HECTD4: variants seen among roughly 807,000 people sequenced by gnomAD.
HECTD4 encodes probable E3 ubiquitin-protein ligase HECTD4.
Under a neutral mutation model 471.5 loss-of-function variants are expected in HECTD4, and 114 were observed. That is an observed-to-expected ratio of 0.24 (90% CI 0.21 to 0.28). The LOEUF is 0.28. Among genes scored for constraint, HECTD4 ranks in the 10% least tolerant of loss-of-function variants. HECTD4 has a pLI of 1.00. For synonymous variants in HECTD4, 2,012 were observed against 2,256.0 expected (o/e 0.89, Z 3.07); for missense variants, 3,866 against 5,651.5 (o/e 0.68, Z 10.13).
chr12:112,309,158 G>C (rs2035326849), intron 5 of HECTD4, among the ~76,000 whole-genome samples: 1 of 152,266 alleles, frequency 6.6e-6, no homozygotes, highest in South Asian at 2.1e-4. Context: ...AGTTTCTTTT[G>C]GCAGCAGTTT....
At chr12:112,278,503 C>T (rs1356336367) in intron 9 of HECTD4, among the ~76,000 whole-genome samples, 1 of 152,194 alleles carries the variant, frequency 6.6e-6, no homozygotes, top group Non-Finnish European at 1.5e-5. Flanking sequence ...AAAATACTAA[C>T]ACATTTTTAC....
At chr12:112,312,605 T>C (rs1011438770) in intron 4 of HECTD4, among the ~76,000 whole-genome samples, 1 of 152,238 alleles carries the variant, frequency 6.6e-6, no homozygotes. Context: ...TCTTCATTTT[T>C]TGCTTTTAGG....
intron 7 of HECTD4, chr12:112,302,038 G>A: frequency 8.2e-7 from 1 of 1,222,580 alleles, no homozygotes; most frequent in Non-Finnish European, 1.2e-6. Context: ...AAGCGCCTTT[G>A]TCTTCCAAGT....
rs2137029062 is a variant in HECTD4, at chr12:112,185,348, G to T, written c.9618C>A (p.Asn3206Lys). 1.2e-6 allele frequency: 2 copies of T among 1,602,210 alleles called. No homozygotes were observed. Among genetic ancestry groups the T allele is most frequent in the East Asian group, 4.5e-5 (2 of 44,450 alleles). Residue 3206 changes from asparagine (N) to lysine (K), a missense_variant, in exon 61 of 76, where the codon AAC becomes AAA. Asn to Lys is a moderately conservative substitution (Grantham distance 94). Coordinates refer to ENST00000682272, the MANE Select transcript of HECTD4 (RefSeq NM_001388303.1). ...AGGCCATCAGCATGGCCAGGCAGGGGTTCAGCTGGAGGGCGATTGAGGAGG... is the reference window on the plus strand; with the variant it reads ...AGGCCATCAGCATGGCCAGGCAGGGTTTCAGCTGGAGGGCGATTGAGGAGG... ...GLSSSIALQL[N>K]PCLAMLMALQ...
At chr12:112,363,119 G>A (rs1042768006) in intron 1 of HECTD4, among the ~76,000 whole-genome samples, 29 of 151,802 alleles carry the variant, frequency 1.9e-4, no homozygotes, top group African/African-American at 6.3e-4. Context: ...GTTTTATTAC[G>A]CTAATCAGTA....
intron 48 of HECTD4, 72 bp from the exon 49 acceptor site, chr12:112,212,722 G>A: frequency 7.7e-7 from 1 of 1,296,112 alleles, no homozygotes; most frequent in Non-Finnish European, 1.1e-6. Context: ...TGCAACCGGA[G>A]TGTCACCCTA....
In HECTD4 at chr12:112,179,402, T is replaced by G; in HGVS notation, c.10988-5A>C. 1.2e-6 allele frequency: 2 copies of G among 1,606,590 alleles called. No individual in the cohort carries two copies. The highest frequency in any genetic ancestry group is 8.5e-7 in the Non-Finnish European group (1 of 1,176,266). On this transcript the variant is annotated splice_polypyrimidine_tract_variant and splice_region_variant and intron_variant, in intron 62 of 75. Transcript: ENST00000682272. The surrounding 1 kb of genome is among the most constrained non-coding windows in gnomAD (Gnocchi z 4.3). The stretch of plus-strand genomic sequence containing the variant: ...CTCCGGGCACCAGCTTCTCCCCTGT[T>G]GGATGGAGAGGGGGCAAAACAATTC...
intron 1 of HECTD4, among the ~76,000 whole-genome samples, chr12:112,329,877 G>C (rs917534674): frequency 1.3e-5 from 2 of 152,182 alleles, no homozygotes; most frequent in Non-Finnish European, 2.9e-5. Flanking sequence ...GAAGGCCTAA[G>C]AGGTAGGATC....
intron 14 of HECTD4, among the ~76,000 whole-genome samples, chr12:112,266,449 T>C (rs2034273809): frequency 6.6e-6 from 1 of 152,230 alleles, no homozygotes; most frequent in African/African-American, 2.4e-5. Flanking sequence ...TTGCTTTCAA[T>C]CTGGTTGAAG....
rs2031585963 is a variant in HECTD4, at chr12:112,179,522, C to G, written c.10988-125G>C. On this transcript the variant is annotated intron_variant, in intron 62 of 75. Coordinates refer to ENST00000682272, the MANE Select transcript of HECTD4 (RefSeq NM_001388303.1). The surrounding 1 kb of genome is among the most constrained non-coding windows in gnomAD (Gnocchi z 4.3). ...GGATGGACATTAGTGGAAGGAAGAG[C>G]TGCCCACCAAAGCCTGGCTCCCTCC... is the stretch of plus-strand genomic sequence containing the variant. 1 of 873,462 alleles carries G rather than the reference C, an allele frequency of 1.1e-6. No individual in the cohort carries two copies. The highest frequency in any genetic ancestry group is 1.8e-6 in the Non-Finnish European group (1 of 558,292). The allele number at this position is 873,462 out of a possible 1,614,324, so 54.1% of individuals were successfully genotyped here. A position where few individuals can be genotyped will look rare whatever the true frequency, so the allele number is the denominator to read the frequency against.
intron 37 of HECTD4, among the ~76,000 whole-genome samples, chr12:112,233,851 T>C (rs1366361815): frequency 6.6e-6 from 1 of 152,176 alleles, no homozygotes; most frequent in African/African-American, 2.4e-5. Flanking sequence ...GTTTGTTTTT[T>C]TCAAACAAAA....
intron 14 of HECTD4, 134 bp downstream of exon 14, chr12:112,266,777 TG>T: frequency 1.5e-6 from 1 of 658,102 alleles, no homozygotes; most frequent in Non-Finnish European, 2.7e-6. Flanking sequence ...CCACCGTGCC[TG>T]GCCTGCAGAT....
chr12:112,206,195 G>C (rs767729737), intron 52 of HECTD4, among the ~76,000 whole-genome samples: 1 of 152,124 alleles, frequency 6.6e-6, no homozygotes, highest in African/African-American at 2.4e-5. Flanking sequence ...AGGACGTTGT[G>C]GGTGAAAGGG....
At position 112,228,907 on chromosome 12, in the gene HECTD4, T is replaced by C. The variant is rs1472841783; in HGVS notation, c.6520-96A>G. 8 of 1,206,662 alleles carry C rather than the reference T, an allele frequency of 6.6e-6. No individual in the cohort carries two copies. Among genetic ancestry groups the C allele is most frequent in the Non-Finnish European group, 8.4e-6 (7 of 834,298 alleles). 74.7% of individuals were successfully genotyped at this position (1,206,662 alleles called of 1,614,324 possible). On this transcript the variant is annotated intron_variant, in intron 41 of 75. Transcript: ENST00000682272. The surrounding 1 kb of genome is among the most constrained non-coding windows in gnomAD (Gnocchi z 4.9). ...GAAAAAGTAAATTTATAGTTGTCAT[T>C]GTTGGCGTTACAGTAATAGTTTATA...
chr12:112,222,370 T>C (rs939168490), intron 44 of HECTD4, among the ~76,000 whole-genome samples: 1 of 152,172 alleles, frequency 6.6e-6, no homozygotes, highest in African/African-American at 2.4e-5. Context: ...ATTTTTCTAA[T>C]AATTAAAAAA....
At chr12:112,183,750 C>G (rs925730797) in intron 61 of HECTD4, among the ~76,000 whole-genome samples, 1 of 152,192 alleles carries the variant, frequency 6.6e-6, no homozygotes, top group Admixed American at 6.5e-5. Flanking sequence ...TACATGGGAT[C>G]CTGAAGTGGA....
At chr12:112,347,134 A>G (rs2036167562) in intron 1 of HECTD4, among the ~76,000 whole-genome samples, 1 of 151,910 alleles carries the variant, frequency 6.6e-6, no homozygotes. Flanking sequence ...ATATATTTAT[A>G]TATTTCAGGA....
Position 112,381,962 on chromosome 12 carries a change from G to C in HECTD4, c.167C>G (p.Thr56Ser), listed in dbSNP as rs2036904259. Residue 56 changes from threonine (T) to serine (S), a missense_variant, in exon 1 of 76, where the codon ACC (threonine) becomes AGC (serine). By Grantham distance (58) the Thr-to-Ser change is moderately conservative. Transcript: ENST00000682272. This position sits in a 1 kb window ranked among gnomAD's most constrained non-coding sequence, Gnocchi z 4.1. ...EILGAPEAAD[T>S]DLEILTFETK... ...GGCCGCCTCGCTCACCTCCAGGTCG[G>C]TGTCCGCGGCCTCTGGGGCCCCGAG... is the stretch of plus-strand genomic sequence containing the variant. 1.6e-6 allele frequency: 2 copies of C among 1,224,356 alleles called. No homozygotes were observed. The highest frequency in any genetic ancestry group is 2.0e-6 in the Non-Finnish European group (2 of 983,134). 75.8% of individuals were successfully genotyped at this position (1,224,356 alleles called of 1,614,324 possible).
At position 112,243,727 on chromosome 12, in the gene HECTD4, A is replaced by G. The variant is rs757370977; in HGVS notation, c.4684T>C (p.Phe1562Leu). The G allele has an allele frequency of 6.2e-7, 1 of 1,613,924 alleles. No homozygotes were observed. The highest frequency in any genetic ancestry group is 8.5e-7 in the Non-Finnish European group (1 of 1,179,812). Residue 1562 changes from phenylalanine to leucine, a missense_variant, in exon 31 of 76, where the codon TTT becomes CTT. Around this residue, in one of 16 missense-constraint regions of HECTD4, gnomAD observed 229 missense variants for 386.4 expected, o/e 0.59. Transcript: ENST00000682272. This position sits in a 1 kb window ranked among gnomAD's most constrained non-coding sequence, Gnocchi z 6.6. The part of the protein sequence containing the change: ...RHVTSHRSSS[F>L]TLLQSLAIED... ...ATGGCCAGCGACTGCAGGAGTGTAA[A>G]GGAGCTGCTGCGGTGGCTGGTCACG...
Sources: allele counts gnomAD v4.1 joint callset (sites outside exome capture counted in the v4.1 genomes callset), GRCh38; gene constraint gnomAD v4.1.1; regional missense constraint gnomAD v4.1.1; non-coding constraint Gnocchi (gnomAD v3.1); transcripts MANE v1.5; gene names NCBI Gene and HGNC (gene_info 2026-07-23, HGNC 2026-07-21).